The following MYO1E variants were observed in gnomAD, a reference collection of about 807,000 sequenced individuals.
The protein encoded by MYO1E is unconventional myosin-Ie.
A neutral mutation model predicts 151.1 loss-of-function variants in MYO1E; 68 were observed. That is an observed-to-expected ratio of 0.45 (90% CI 0.37 to 0.55). MYO1E has a LOEUF of 0.55. MYO1E is among the 20% of genes least tolerant of loss of function. MYO1E has a pLI of 0.00. For missense variants in MYO1E, 1,363 were observed against 1,389.3 expected (o/e 0.98, Z 0.30); for synonymous variants, 601 against 501.7 (o/e 1.20, Z -2.64).
intron 26 of MYO1E, among the ~76,000 whole-genome samples, chr15:59,142,899 T>C (rs904784212): frequency 8.0e-6 from 1 of 125,558 alleles, no homozygotes; most frequent in Non-Finnish European, 1.6e-5. Context: ...TCCTGGAAAC[T>C]CTAGCCAGGG....
chr15:59,262,252 T>C (rs2080228524), intron 2 of MYO1E, among the ~76,000 whole-genome samples: 1 of 151,422 alleles, frequency 6.6e-6, no homozygotes, highest in African/African-American at 2.4e-5. Context: ...ATTTAACAAA[T>C]ACAGGGATAC....
At chr15:59,347,664 A>G (rs537098193) in intron 1 of MYO1E, among the ~76,000 whole-genome samples, 1 of 152,268 alleles carries the variant, frequency 6.6e-6, no homozygotes, top group East Asian at 1.9e-4. Context: ...GAAACAGAAG[A>G]GGCTAGAAAC....
chr15:59,237,705 C>G (rs1168642165), intron 4 of MYO1E, among the ~76,000 whole-genome samples: 2 of 152,164 alleles, frequency 1.3e-5, no homozygotes, highest in African/African-American at 4.8e-5. Context: ...ATATCCAGCC[C>G]AAATTAATTG....
chr15:59,200,081 T>C (rs1294569625), intron 16 of MYO1E, among the ~76,000 whole-genome samples: 1 of 152,156 alleles, frequency 6.6e-6, no homozygotes, highest in Non-Finnish European at 1.5e-5. Flanking sequence ...CATCCCACAA[T>C]GGTGGCACTT....
At position 59,259,713 on chromosome 15, in the gene MYO1E, T is replaced by A. The variant is rs577134176; in HGVS notation, c.237+1707A>T. On this transcript the variant is annotated intron_variant, in intron 3 of 27. Transcript: ENST00000288235. ...CTTCAACGCTGCTGAACTGTCATAC[T>A]TGACCTTTGCATGTCACTCTATATT... Among the ~76,000 whole-genome samples, 403 of 152,382 alleles carry A rather than the reference T, an allele frequency of 2.6e-3. 1 individual carries two copies. The highest frequency in any genetic ancestry group is 0.017 in the South Asian group (81 of 4,830).
intron 1 of MYO1E, among the ~76,000 whole-genome samples, chr15:59,307,101 T>C (rs547542021): frequency 1.8e-4 from 27 of 152,278 alleles, no homozygotes; most frequent in African/African-American, 6.5e-4. Context: ...AAGCATGAAG[T>C]ACAGGAGGCA....
At chr15:59,273,401 T>C (rs1207477416) in intron 1 of MYO1E, among the ~76,000 whole-genome samples, 2 of 152,148 alleles carry the variant, frequency 1.3e-5, no homozygotes, top group East Asian at 3.8e-4. Flanking sequence ...TCATGAGCAC[T>C]TGGGGAGCTG....
intron 26 of MYO1E, among the ~76,000 whole-genome samples, chr15:59,149,052 G>GTTTTTTTTTTTTTTTTTT (rs570700878): frequency 2.3e-5 from 3 of 128,232 alleles, no homozygotes; most frequent in African/African-American, 6.1e-5. Flanking sequence ...TTTTTTTTTT[G>GTTTTTTTTTTTTTTTTTT]TTTTTTTTTT....
At chr15:59,287,756 G>A (rs1372315896) in intron 1 of MYO1E, among the ~76,000 whole-genome samples, 1 of 152,192 alleles carries the variant, frequency 6.6e-6, no homozygotes, top group Non-Finnish European at 1.5e-5. Context: ...GTCTCAGTCT[G>A]AGTGAATGTG....
chr15:59,277,383 A>G (rs1223899438), intron 1 of MYO1E, among the ~76,000 whole-genome samples: 1 of 152,098 alleles, frequency 6.6e-6, no homozygotes, highest in Non-Finnish European at 1.5e-5. Context: ...TGTTTCTACT[A>G]AAAATACAAA....
intron 1 of MYO1E, among the ~76,000 whole-genome samples, chr15:59,310,942 T>TA (rs1380706019): frequency 6.6e-6 from 1 of 152,138 alleles, no homozygotes; most frequent in Non-Finnish European, 1.5e-5. Context: ...GTGTGCCATG[T>TA]AAGCCCTCTC....
chr15:59,260,351 C>G (rs1234944786), intron 3 of MYO1E, among the ~76,000 whole-genome samples: 2 of 152,216 alleles, frequency 1.3e-5, no homozygotes, highest in African/African-American at 4.8e-5. Flanking sequence ...GCGTGGCAGC[C>G]TCCTTCGGCT....
At position 59,195,455 on chromosome 15, in the gene MYO1E, C is replaced by T. The variant is rs531335745; in HGVS notation, c.1805+6G>A. The T allele has an allele frequency of 2.7e-5, 44 of 1,610,228 alleles. No homozygotes were observed. The highest frequency in any genetic ancestry group is 9.3e-5 in the African/African-American group (7 of 74,958). ...CGGCCCCACCTAAGCCGGTTTCCCCCGATACCTGCTTTCCTCCCAGTCTCT... is the reference window on the plus strand; with the variant it reads ...CGGCCCCACCTAAGCCGGTTTCCCCTGATACCTGCTTTCCTCCCAGTCTCT... On this transcript the variant is annotated splice_donor_region_variant and intron_variant, in intron 17 of 27. Transcript: ENST00000288235.
intron 14 of MYO1E, chr15:59,208,409 T>C (rs191279264): frequency 3.5e-6 from 2 of 574,924 alleles, no homozygotes; most frequent in African/African-American, 1.9e-5. Context: ...TCATTAGATA[T>C]ATGCTATTTC....
chr15:59,223,274 T>A, intron 8 of MYO1E, 83 bp from the exon 9 acceptor site: 1 of 1,537,948 alleles, frequency 6.5e-7, no homozygotes, highest in Non-Finnish European at 9.0e-7. Flanking sequence ...GCACAGCAGC[T>A]GCTCTAAATA....
chr15:59,187,953 T>C (rs2079708640), intron 18 of MYO1E, among the ~76,000 whole-genome samples, 165 bp downstream of exon 18: 1 of 152,232 alleles, frequency 6.6e-6, no homozygotes, highest in Non-Finnish European at 1.5e-5. Flanking sequence ...TGATTTCTTT[T>C]CAGGGTAAGA....
chr15:59,223,970 A>T (rs1228818328), intron 8 of MYO1E, among the ~76,000 whole-genome samples: 1 of 152,174 alleles, frequency 6.6e-6, no homozygotes, highest in Non-Finnish European at 1.5e-5. Flanking sequence ...TTTCAACCAC[A>T]AATGTACTGA....
chr15:59,352,709 C>T (rs1406524780), intron 1 of MYO1E, among the ~76,000 whole-genome samples: 5 of 152,172 alleles, frequency 3.3e-5, no homozygotes, highest in Non-Finnish European at 7.3e-5. Context: ...TTAGTAATCG[C>T]TAGTTCCAAT....
chr15:59,275,018 T>C (rs1319004465), intron 1 of MYO1E, among the ~76,000 whole-genome samples: 2 of 152,208 alleles, frequency 1.3e-5, no homozygotes, highest in Admixed American at 6.5e-5. Flanking sequence ...TACTTACTAC[T>C]GCAAGCAATC....
Sources: allele counts gnomAD v4.1 joint callset (sites outside exome capture counted in the v4.1 genomes callset), GRCh38; gene constraint gnomAD v4.1.1; transcripts MANE v1.5; gene names NCBI Gene and HGNC (gene_info 2026-07-23, HGNC 2026-07-21).